MREG: variants seen among roughly 807,000 people sequenced by gnomAD.
The protein encoded by MREG is dilute suppressor protein homolog.
A neutral mutation model predicts 28.5 loss-of-function variants in MREG; 31 were observed. The ratio of observed to expected loss-of-function variants is 1.09; its 90% confidence interval spans 0.82 to 1.47. The LOEUF (loss-of-function observed/expected upper bound fraction) is 1.47. Ranked by LOEUF, MREG falls within the 40% of genes most tolerant of loss-of-function variation. MREG has a pLI of 0.00. For synonymous variants in MREG, 106 were observed against 95.2 expected, an observed-to-expected ratio of 1.11 and a Z score of -0.66; for missense variants, 256 against 257.4, an observed-to-expected ratio of 0.99 and a Z score of 0.04.
chr2:215,943,671 C>T lies in MREG; in HGVS notation c.*1192G>A. On this transcript the variant is annotated 3_prime_UTR_variant, in exon 5 of 5. Coordinates refer to ENST00000263268, the MANE Select transcript of MREG (RefSeq NM_018000.3). ...CGTGGCTAACATGGTGAAACCCCGT[C>T]TCTACTAAAAATACAAAAAATTAGC... 2.8e-6 allele frequency: 1 copy of T among 353,444 alleles called. No individual in the cohort carries two copies. The highest frequency in any genetic ancestry group is 2.1e-5 in the South Asian group (1 of 46,654). 21.9% of individuals were successfully genotyped at this position (353,444 alleles called of 1,614,324 possible).
chr2:216,016,751 A>T (rs1040696981), upstream of MREG, among the ~76,000 whole-genome samples: 1 of 152,162 alleles, frequency 6.6e-6, no homozygotes, highest in Non-Finnish European at 1.5e-5. Flanking sequence ...CTTGCATATG[A>T]CATTTGTACC....
chr2:216,004,439 CA>C (rs1171321376), intron 1 of MREG, among the ~76,000 whole-genome samples: 2 of 152,048 alleles, frequency 1.3e-5, no homozygotes, highest in Admixed American at 6.5e-5. Context: ...GTACTTAAAA[CA>C]GTGCCTAACA....
At chr2:215,994,593 G>A (rs1199714228) in intron 2 of MREG, among the ~76,000 whole-genome samples, 1 of 136,494 alleles carries the variant, frequency 7.3e-6, no homozygotes, top group East Asian at 2.2e-4. Context: ...AGAAGGGGAA[G>A]AAGAAGGAGA....
rs1190450029 is a variant in MREG, at chr2:215,942,608, T to C, written c.*2255A>G. Reference sequence around the variant, plus strand: ...CTGAAAAGTAAATACAGGAGTCTTTTAATTCCTTGTAAGGAAAATTTCCTG... The same window carrying C: ...CTGAAAAGTAAATACAGGAGTCTTTCAATTCCTTGTAAGGAAAATTTCCTG... On this transcript the variant is annotated 3_prime_UTR_variant, in exon 5 of 5. Coordinates refer to ENST00000263268, the MANE Select transcript of MREG (RefSeq NM_018000.3). 6.6e-6 allele frequency among the ~76,000 whole-genome samples: 1 copy of C among 152,248 alleles called. No individual in the cohort carries two copies. The highest frequency in any genetic ancestry group is 2.4e-5 in the African/African-American group (1 of 41,476).
intron 2 of MREG, among the ~76,000 whole-genome samples, chr2:215,953,918 G>A (rs569706687): frequency 6.6e-6 from 1 of 152,340 alleles, no homozygotes; most frequent in Admixed American, 6.5e-5. Context: ...AATTTTCAGT[G>A]CATAGATTTA....
chr2:215,961,257 C>A (rs1423346042), intron 2 of MREG, among the ~76,000 whole-genome samples: 1 of 152,188 alleles, frequency 6.6e-6, no homozygotes, highest in African/African-American at 2.4e-5. Flanking sequence ...CTGGAGCACT[C>A]CCTTTAAGAA....
In MREG at chr2:216,031,430, AAAGAAAGAAAGAAAAAG is replaced by A. The variant is rs1272408195; in HGVS notation, c.-68+1342_-68+1358del. Among the ~76,000 whole-genome samples the A allele has an allele frequency of 5.3e-4, 12 of 22,570 alleles. No individual in the cohort carries two copies. In the Admixed American group the frequency reaches 7.5e-3, roughly 14 times the overall value. 14.8% of individuals were successfully genotyped at this position (22,570 alleles called of 152,430 possible). On this transcript the variant is annotated intron_variant, in intron 1 of 3. Transcript: ENST00000420348. ...AAAGGAAGAAAGGAAGAAAGAAAGA[AAAGAAAGAAAGAAAAAG>A]AAAGAAAGAGAGAAAGAAAGAAAGA...
At chr2:216,005,941 C>T (rs1694143834) in intron 1 of MREG, among the ~76,000 whole-genome samples, 1 of 150,634 alleles carries the variant, frequency 6.6e-6, no homozygotes, top group African/African-American at 2.4e-5. Flanking sequence ...AAAATTATTT[C>T]CTAAAAGGGC....
chr2:215,979,350 C>T (rs948552186), intron 2 of MREG, among the ~76,000 whole-genome samples: 4 of 151,816 alleles, frequency 2.6e-5, no homozygotes, highest in Non-Finnish European at 5.9e-5. Flanking sequence ...GTAATCCCAG[C>T]TACTCGGGAG....
In MREG at chr2:216,024,798, G is replaced by C. The variant is rs149995073; in HGVS notation, c.-68+7991C>G. The stretch of plus-strand genomic sequence containing the variant: ...CTTGGGAGGCCGAGGCAGAAGAATT[G>C]CTTGAACCAGGGAGGCAGAAGTTGC... On this transcript the variant is annotated intron_variant, in intron 1 of 3. Coordinates refer to the MREG transcript ENST00000420348. Among the ~76,000 whole-genome samples, 521 of 151,568 alleles carry C rather than the reference G, an allele frequency of 3.4e-3. 4 individuals are homozygous for C. The highest frequency in any genetic ancestry group is 0.012 in the African/African-American group (507 of 41,300).
rs57937603 is a variant in MREG, at chr2:216,031,457, G to A, written c.-68+1332C>T. Among the ~76,000 whole-genome samples, 1,173 of 117,688 alleles carry A rather than the reference G, an allele frequency of 1.0e-2. 11 individuals carry two copies. Among genetic ancestry groups the A allele is most frequent in the African/African-American group, 0.032 (1,017 of 31,394 alleles). The allele number at this position is 117,688 out of a possible 152,430, so 77.2% of individuals were successfully genotyped here. On this transcript the variant is annotated intron_variant, in intron 1 of 3. Transcript: ENST00000420348. Reference sequence around the variant, plus strand: ...AGAAAGAAAGAAAAAGAAAGAAAGAGAGAAAGAAAGAAAGAAAGAGAAAGA... The same window carrying A: ...AGAAAGAAAGAAAAAGAAAGAAAGAAAGAAAGAAAGAAAGAAAGAGAAAGA...
chr2:215,971,140 G>A (rs1166954923), intron 2 of MREG, among the ~76,000 whole-genome samples: 2 of 152,102 alleles, frequency 1.3e-5, no homozygotes, highest in African/African-American at 4.8e-5. Flanking sequence ...GGCCTGTCAG[G>A]GGATGGGGCG....
intron 2 of MREG, among the ~76,000 whole-genome samples, chr2:215,964,872 TAGATAGATAGAC>T (rs1382311683): frequency 9.9e-5 from 10 of 101,090 alleles, no homozygotes; most frequent in African/African-American, 3.8e-4. Context: ...GATAGATAGA[TAGATAGATAGAC>T]AGACAGATAT....
intron 2 of MREG, among the ~76,000 whole-genome samples, chr2:215,994,576 A>G (rs1693810249): frequency 6.6e-6 from 1 of 151,414 alleles, no homozygotes; most frequent in African/African-American, 2.4e-5. Context: ...AAAGAGGGAG[A>G]AGAGGGAGAA....
chr2:215,990,620 G>C (rs544494686), intron 2 of MREG, among the ~76,000 whole-genome samples: 1 of 152,228 alleles, frequency 6.6e-6, no homozygotes, highest in East Asian at 1.9e-4. Context: ...AAAGAGTCAA[G>C]ACCCATCAGT....
At chr2:215,945,055 C>G in intron 4 of MREG, 58 bp from the exon 5 acceptor site, 1 of 1,482,344 alleles carries the variant, frequency 6.7e-7, no homozygotes, top group Non-Finnish European at 9.1e-7. Context: ...CAAGACATGT[C>G]GATGGGAAAA....
At chr2:215,984,836 TC>T (rs1387847519) in intron 2 of MREG, among the ~76,000 whole-genome samples, 1 of 152,232 alleles carries the variant, frequency 6.6e-6, no homozygotes, top group Non-Finnish European at 1.5e-5. Context: ...GTAGCTGTCA[TC>T]CCACTGATAT....
At chr2:216,019,507 CTT>C (rs373116320) in intron 1 of MREG, among the ~76,000 whole-genome samples, 16 of 141,114 alleles carry the variant, frequency 1.1e-4, no homozygotes, top group Non-Finnish European at 1.1e-4. Context: ...ATTTTCAAAC[CTT>C]TTTTTTTTTT....
chr2:216,020,985 G>A (rs570661817), intron 1 of MREG, among the ~76,000 whole-genome samples: 3 of 152,346 alleles, frequency 2.0e-5, no homozygotes, highest in South Asian at 2.1e-4. Flanking sequence ...ATCTGAGACC[G>A]TCGGCAGAAG....
Sources: gnomAD v4.1 joint callset for allele counts (sites outside exome capture counted in the v4.1 genomes callset) on GRCh38, gnomAD v4.1.1 for gene constraint, MANE v1.5 for transcripts, NCBI Gene and HGNC (gene_info 2026-07-23, HGNC 2026-07-21) for gene names.